Variants in CNBD1 observed in about 807,000 individuals in gnomAD.
CNBD1 encodes the protein cyclic nucleotide binding domain containing 1.
Under a neutral mutation model 54.4 loss-of-function variants are expected in CNBD1, and 71 were observed. That is an observed-to-expected ratio of 1.30 (90% CI 1.08 to 1.59). The LOEUF is 1.59. CNBD1 is among the 40% of genes most tolerant of loss of function. The pLI is 0.00. For missense variants in CNBD1, 659 were observed against 518.0 expected (o/e 1.27, Z -2.64); for synonymous variants, 182 against 170.7 (o/e 1.07, Z -0.51).
At chr8:87,364,207 A>C (rs980344422) in intron 10 of CNBD1, among the ~76,000 whole-genome samples, 15 of 151,390 alleles carry the variant, frequency 9.9e-5, no homozygotes, top group Non-Finnish European at 1.6e-4. Context: ...ATTGTATATC[A>C]CATATATTTA....
intron 6 of CNBD1, among the ~76,000 whole-genome samples, chr8:87,280,273 T>C (rs1808572531): frequency 6.6e-6 from 1 of 151,626 alleles, no homozygotes; most frequent in Non-Finnish European, 1.5e-5. Context: ...GGAGTCTAAA[T>C]CTTTGGAGAA....
chr8:87,205,046 A>G (rs1813942185), intron 4 of CNBD1, among the ~76,000 whole-genome samples: 1 of 152,184 alleles, frequency 6.6e-6, no homozygotes, highest in Non-Finnish European at 1.5e-5. Flanking sequence ...GTATGCATAC[A>G]CATGGATACC....
At chr8:87,400,263 A>G (rs1311788910) in intron 2 of CNBD1, among the ~76,000 whole-genome samples, 1 of 151,982 alleles carries the variant, frequency 6.6e-6, no homozygotes, top group African/African-American at 2.4e-5. Flanking sequence ...AATGGCAATT[A>G]CTTTTGCACC....
chr8:87,229,214 A>T (rs201741717), intron 5 of CNBD1, among the ~76,000 whole-genome samples: 2 of 152,152 alleles, frequency 1.3e-5, no homozygotes, highest in Admixed American at 6.5e-5. Context: ...CGTCTTCTGC[A>T]TCGCTCAGGC....
intron 1 of CNBD1, among the ~76,000 whole-genome samples, chr8:86,881,247 G>A (rs761887305): frequency 6.6e-6 from 1 of 152,172 alleles, no homozygotes; most frequent in Non-Finnish European, 1.5e-5. Flanking sequence ...ATCCCTGTTT[G>A]CAGATGACAT....
intron 8 of CNBD1, among the ~76,000 whole-genome samples, chr8:87,342,011 C>T (rs767596279): frequency 1.2e-4 from 19 of 152,250 alleles, no homozygotes; most frequent in African/African-American, 3.6e-4. Context: ...CAGTGGCTCA[C>T]GCCTGTAATC....
intron 4 of CNBD1, among the ~76,000 whole-genome samples, chr8:87,170,113 AG>A (rs1813054986): frequency 6.6e-6 from 1 of 152,084 alleles, no homozygotes; most frequent in Non-Finnish European, 1.5e-5. Flanking sequence ...TTCATTGTAG[AG>A]AACTTTCACT....
At chr8:86,988,384 T>C (rs1247033547) in intron 4 of CNBD1, among the ~76,000 whole-genome samples, 3 of 152,100 alleles carry the variant, frequency 2.0e-5, no homozygotes, top group Non-Finnish European at 4.4e-5. Context: ...ATTATTTTTA[T>C]TTTTTGTGGG....
At chr8:86,888,717 A>G (rs181731348) in intron 2 of CNBD1, among the ~76,000 whole-genome samples, 1 of 152,288 alleles carries the variant, frequency 6.6e-6, no homozygotes, top group Admixed American at 6.5e-5. Flanking sequence ...AAAAATTTTA[A>G]CATCCAAGCT....
At chr8:86,967,149 A>G (rs1808099322) in intron 4 of CNBD1, among the ~76,000 whole-genome samples, 1 of 152,126 alleles carries the variant, frequency 6.6e-6, no homozygotes. Context: ...GCCAGACCAG[A>G]CACCCTTGAG....
At chr8:87,026,728 G>A (rs952660378) in intron 4 of CNBD1, among the ~76,000 whole-genome samples, 2 of 151,954 alleles carry the variant, frequency 1.3e-5, no homozygotes, top group Non-Finnish European at 2.9e-5. Context: ...GTACTTACTA[G>A]TTCCTTACTA....
chr8:87,334,475 G>A lies in CNBD1; in HGVS notation c.1043-17210G>A, dbSNP rs566566602. 4.1e-4 allele frequency among the ~76,000 whole-genome samples: 62 copies of A among 152,076 alleles called. 1 individual carries two copies. Among genetic ancestry groups the A allele is most frequent in the South Asian group, 8.3e-4 (4 of 4,818 alleles). On this transcript the variant is annotated intron_variant, in intron 8 of 10. Transcript: ENST00000518476. Reference sequence around the variant, plus strand: ...GTTCTTTTCATTATGATATTAGGGTGTTGATTTGAGATATCTCTAGGTTTC... The same window carrying A: ...GTTCTTTTCATTATGATATTAGGGTATTGATTTGAGATATCTCTAGGTTTC...
intron 6 of CNBD1, among the ~76,000 whole-genome samples, chr8:87,273,402 G>A (rs1401133196): frequency 6.6e-6 from 1 of 151,860 alleles, no homozygotes; most frequent in Admixed American, 6.6e-5. Flanking sequence ...AAATCTACCT[G>A]AACAGAAAAG....
chr8:87,051,631 G>T (rs1810313612), intron 4 of CNBD1, among the ~76,000 whole-genome samples: 1 of 152,224 alleles, frequency 6.6e-6, no homozygotes. Flanking sequence ...AAAGGGATGA[G>T]TTTGGCTAGT....
intron 4 of CNBD1, among the ~76,000 whole-genome samples, chr8:86,950,404 TATG>T (rs1807588252): frequency 6.6e-6 from 1 of 152,132 alleles, no homozygotes; most frequent in Non-Finnish European, 1.5e-5. Flanking sequence ...AAAACAATTA[TATG>T]ATTTTTGCCC....
At chr8:87,366,512 C>T (rs997661637) in intron 10 of CNBD1, among the ~76,000 whole-genome samples, 5 of 152,018 alleles carry the variant, frequency 3.3e-5, no homozygotes, top group African/African-American at 1.2e-4. Flanking sequence ...TGTGTTTAAA[C>T]AATTCATGTG....
intron 2 of CNBD1, among the ~76,000 whole-genome samples, chr8:86,890,052 TAAATC>T (rs1381770614): frequency 6.6e-6 from 1 of 152,168 alleles, no homozygotes; most frequent in Non-Finnish European, 1.5e-5. Context: ...GTGGAATAAT[TAAATC>T]AATATGTTTA....
At chr8:87,291,982 C>A (rs1808795033) in intron 8 of CNBD1, among the ~76,000 whole-genome samples, 1 of 152,094 alleles carries the variant, frequency 6.6e-6, no homozygotes, top group African/African-American at 2.4e-5. Context: ...TACCCTTAGA[C>A]CAAAGTTATG....
At chr8:87,333,355 A>T (rs1400902160) in intron 8 of CNBD1, among the ~76,000 whole-genome samples, 1 of 152,116 alleles carries the variant, frequency 6.6e-6, no homozygotes, top group Non-Finnish European at 1.5e-5. Flanking sequence ...TTCTATTTGA[A>T]TATCCTTTAT....
Sources: gnomAD v4.1 joint callset for allele counts (sites outside exome capture counted in the v4.1 genomes callset) on GRCh38, gnomAD v4.1.1 for gene constraint, MANE v1.5 for transcripts, NCBI Gene and HGNC (gene_info 2026-07-23, HGNC 2026-07-21) for gene names.